Variants in SLC4A8 observed in about 807,000 individuals in gnomAD.
SLC4A8 encodes the protein solute carrier family 4 member 8.
A neutral mutation model predicts 125.0 loss-of-function variants in SLC4A8; 40 were observed. That is an observed-to-expected ratio of 0.32 (90% CI 0.25 to 0.42). The LOEUF (loss-of-function observed/expected upper bound fraction) is 0.42, where lower values mean the gene tolerates loss of function less well. SLC4A8 is among the 10% of genes least tolerant of loss of function. The pLI is 1.00. For synonymous variants in SLC4A8, 456 were observed against 476.0 expected (o/e 0.96, Z 0.55); for missense variants, 863 against 1,355.1 (o/e 0.64, Z 5.70).
In SLC4A8 at chr12:51,496,349, T is replaced by A. The variant is rs77154871; in HGVS notation, c.2944-638T>A. Among the ~76,000 whole-genome samples, 503 of 152,298 alleles carry A rather than the reference T, an allele frequency of 3.3e-3. 3 individuals carry two copies. The highest frequency in any genetic ancestry group is 0.017 in the South Asian group (84 of 4,828). ...TTTCCTTTGGCTAAAATGGCCCTCA[T>A]GGAAAGAAAGTGGAGCAGCAGTTGA... On this transcript the variant is annotated intron_variant, in intron 21 of 24. Transcript: ENST00000453097.
At chr12:51,434,634 C>T in intron 1 of SLC4A8, among the ~76,000 whole-genome samples, 1 of 152,102 alleles carries the variant, frequency 6.6e-6, no homozygotes, top group South Asian at 2.1e-4. Flanking sequence ...AGATGATTGA[C>T]CTTGCTCTTT....
At chr12:51,419,895 G>A (rs577935165), upstream of SLC4A8, among the ~76,000 whole-genome samples, 266 of 152,344 alleles carry the variant, frequency 1.7e-3, 1 homozygote, top group Middle Eastern at 6.8e-3. Flanking sequence ...TTCACAGCCA[G>A]GAGCTTGGCT....
chr12:51,473,354 C>T (rs1163119086), intron 14 of SLC4A8, among the ~76,000 whole-genome samples: 1 of 152,060 alleles, frequency 6.6e-6, no homozygotes, highest in Non-Finnish European at 1.5e-5. Flanking sequence ...ATTTAAGGTC[C>T]TCTGTTTTTT....
Position 51,471,491 on chromosome 12 carries a change from C to T in SLC4A8, c.1863C>T (p.Pro621=). ...TGATTCACCTGGCAGAGACCTACCC[C>T]ATCCACATGCACAGCCAGCTGGACC... The part of the protein sequence containing the change: ...EKLIHLAETY[P]IHMHSQLDHL... The change falls in exon 14 of 25, where the codon CCC becomes CCT. Residue 621 remains proline (P), a synonymous_variant. Transcript: ENST00000453097. 6.2e-7 allele frequency: 1 copy of T among 1,614,210 alleles called. No homozygotes were observed. Among genetic ancestry groups the T allele is most frequent in the Non-Finnish European group, 8.5e-7 (1 of 1,180,012 alleles).
At chr12:51,492,485 C>T (rs987945176) in intron 19 of SLC4A8, among the ~76,000 whole-genome samples, 1 of 152,128 alleles carries the variant, frequency 6.6e-6, no homozygotes, top group East Asian at 1.9e-4. Context: ...CTGGAAGAGC[C>T]TAAACGTTGC....
chr12:51,458,372 G>A (rs1950221000), intron 6 of SLC4A8, among the ~76,000 whole-genome samples, 187 bp from the exon 7 acceptor site: 1 of 152,212 alleles, frequency 6.6e-6, no homozygotes, highest in South Asian at 2.1e-4. Flanking sequence ...CAAGAGCTCT[G>A]TCCTTTCCTT....
At chr12:51,426,532 G>T (rs1247340534) in intron 1 of SLC4A8, among the ~76,000 whole-genome samples, 4 of 152,210 alleles carry the variant, frequency 2.6e-5, no homozygotes, top group African/African-American at 9.7e-5. Context: ...TCTCAGAGAA[G>T]ATTTTGCTAA....
At chr12:51,394,364 A>T (rs1168130770) in intron 1 of SLC4A8, among the ~76,000 whole-genome samples, 2 of 152,254 alleles carry the variant, frequency 1.3e-5, no homozygotes, top group African/African-American at 4.8e-5. Flanking sequence ...AGTCCGCAGG[A>T]TGTGTGACCC....
intron 11 of SLC4A8, among the ~76,000 whole-genome samples, chr12:51,465,791 A>C (rs1436236165): frequency 6.6e-6 from 1 of 152,200 alleles, no homozygotes; most frequent in Non-Finnish European, 1.5e-5. Context: ...GGCTGCATAG[A>C]GAATCACATT....
intron 1 of SLC4A8, 47 bp downstream of exon 1, chr12:51,425,082 C>T (rs1948920978): frequency 6.5e-7 from 1 of 1,535,010 alleles, no homozygotes. Flanking sequence ...GGGGCGCAGC[C>T]TCCTCATCCT....
chr12:51,506,400 G>T (rs571362918), intron 24 of SLC4A8, among the ~76,000 whole-genome samples: 200 of 148,258 alleles, frequency 1.3e-3, no homozygotes, highest in African/African-American at 4.3e-3. Flanking sequence ...ATTGTAACTG[G>T]TTTTTTTTTT....
intron 14 of SLC4A8, among the ~76,000 whole-genome samples, chr12:51,472,769 G>T (rs895935218): frequency 1.6e-4 from 25 of 152,200 alleles, no homozygotes; most frequent in African/African-American, 5.5e-4. Context: ...AGCTCAAGAT[G>T]ATATTTTTTT....
Position 51,493,724 on chromosome 12 carries a change from C to G in SLC4A8, c.2721C>G (p.Leu907=). ...TTCAGTTTATTCCAATGCCAGTACT[C>G]TACGGAGTTTTCCTTTACATGGGAG... is the stretch of plus-strand genomic sequence containing the variant. ...AILKFIPMPV[L]YGVFLYMGVS... Residue 907 remains leucine (L), a synonymous_variant, in exon 20 of 25, where the codon CTC becomes CTG. Coordinates refer to ENST00000453097, the MANE Select transcript of SLC4A8 (RefSeq NM_001039960.3). The G allele has an allele frequency of 6.2e-7, 1 of 1,610,284 alleles. No individual in the cohort carries two copies. Among genetic ancestry groups the G allele is most frequent in the Non-Finnish European group, 8.5e-7 (1 of 1,176,518 alleles).
chr12:51,440,893 G>C (rs932231527), intron 2 of SLC4A8, 104 bp downstream of exon 2: 2 of 1,066,322 alleles, frequency 1.9e-6, no homozygotes, highest in African/African-American at 3.3e-5. Flanking sequence ...GTCAGACCTT[G>C]GGGAAAATCA....
intron 1 of SLC4A8, among the ~76,000 whole-genome samples, chr12:51,436,630 G>A (rs992142124): frequency 6.6e-6 from 1 of 151,776 alleles, no homozygotes. Context: ...TATTTAGTTA[G>A]TTAGTTAGTT....
In SLC4A8 at chr12:51,457,331, TG is replaced by T; in HGVS notation, c.575-19del. 1 of 1,610,236 alleles carries T rather than the reference TG, an allele frequency of 6.2e-7. No individual in the cohort carries two copies. The highest frequency in any genetic ancestry group is 8.5e-7 in the Non-Finnish European group (1 of 1,177,500). On this transcript the variant is annotated intron_variant, in intron 5 of 24. Coordinates refer to ENST00000453097, the MANE Select transcript of SLC4A8 (RefSeq NM_001039960.3). ...CATTAACCCTCAATCTGAGTGTTCA[TG>T]TGAGTGCCTGCTTTCCAGACCTGAT...
In SLC4A8 at chr12:51,458,583, T is replaced by C. The variant is rs1292608550; in HGVS notation, c.788T>C (p.Val263Ala). Reference protein sequence around the residue: ...KHGQTVSPQSVPTTNLEVKNG... With the variant: ...KHGQTVSPQSAPTTNLEVKNG... The stretch of plus-strand genomic sequence containing the variant: ...GGTCAAACCGTGTCTCCTCAGTCTG[T>C]TCCAACTACAAATCTTGAAGTAAAA... The change falls in exon 7 of 25, where the codon GTT becomes GCT. Residue 263 changes from valine (V) to alanine (A), a missense_variant. Around this residue, in one of 6 missense-constraint regions of SLC4A8, gnomAD observed 390 missense variants for 634.4 expected, o/e 0.61. Transcript: ENST00000453097. The C allele has an allele frequency of 6.2e-7, 1 of 1,613,684 alleles. No homozygotes were observed. The highest frequency in any genetic ancestry group is 1.7e-5 in the Admixed American group (1 of 60,024).
At chr12:51,496,257 A>G (rs1951456163) in intron 21 of SLC4A8, among the ~76,000 whole-genome samples, 1 of 152,234 alleles carries the variant, frequency 6.6e-6, no homozygotes, top group South Asian at 2.1e-4. Context: ...GATTTGCCTC[A>G]TTCCTTGTCC....
chr12:51,493,927 T>C lies in SLC4A8; in HGVS notation c.2769+155T>C, dbSNP rs147273659. ...GCTATTTTAGACATGTATTTGGATA[T>C]AGGGAGAAAAACAGCCATGTTGGCA... is the stretch of plus-strand genomic sequence containing the variant. On this transcript the variant is annotated intron_variant, in intron 20 of 24. Coordinates refer to ENST00000453097, the MANE Select transcript of SLC4A8 (RefSeq NM_001039960.3). 1.6e-4 allele frequency among the ~76,000 whole-genome samples: 24 copies of C among 152,318 alleles called. 1 individual carries two copies. The East Asian group carries it at 4.6e-3, about 29-fold the overall frequency.
Sources: allele counts gnomAD v4.1 joint callset (sites outside exome capture counted in the v4.1 genomes callset), GRCh38; gene constraint gnomAD v4.1.1; regional missense constraint gnomAD v4.1.1; transcripts MANE v1.5; gene names NCBI Gene and HGNC (gene_info 2026-07-23, HGNC 2026-07-21).